Variants in PDE5A observed in about 807,000 individuals in gnomAD.
PDE5A encodes the protein phosphodiesterase 5A.
A neutral mutation model predicts 110.2 loss-of-function variants in PDE5A; 67 were observed. The ratio of observed to expected loss-of-function variants is 0.61; its 90% CI spans 0.50 to 0.75. The LOEUF (loss-of-function observed/expected upper bound fraction) is 0.75. PDE5A is among the 30% of genes least tolerant of loss of function. PDE5A has a pLI of 0.00. For missense variants in PDE5A, 862 were observed against 1,045.1 expected, an observed-to-expected ratio of 0.82 and a Z score of 2.42; for synonymous variants, 328 against 351.2, an observed-to-expected ratio of 0.93 and a Z score of 0.74.
chr4:119,607,063 T>C lies in PDE5A; in HGVS notation c.387A>G (p.Glu129=), dbSNP rs978731168. 4 of 1,614,090 alleles carry C rather than the reference T, an allele frequency of 2.5e-6. No homozygotes were observed. The highest frequency in any genetic ancestry group is 2.7e-5 in the African/African-American group (2 of 74,932). ...GGGTTAGAGGCATCTGTTCCTTCTT[T>C]TCTGAGTCAGAGAGGAAGCTCACAG... is the stretch of plus-strand genomic sequence containing the variant. The part of the protein sequence containing the change: ...EGTVSFLSDS[E]KKEQMPLTPP... The change falls in exon 2 of 21, where the codon GAA becomes GAG. Residue 129 remains glutamate, a synonymous_variant. Coordinates refer to ENST00000354960, the MANE Select transcript of PDE5A (RefSeq NM_001083.4).
chr4:119,565,177 C>A, intron 5 of PDE5A, 144 bp downstream of exon 5: 7 of 611,748 alleles, frequency 1.1e-5, no homozygotes, highest in Non-Finnish European at 2.0e-5. Context: ...ATAGGAAATA[C>A]AAATGACTAC....
At chr4:119,568,309 C>T (rs1026611907) in intron 3 of PDE5A, among the ~76,000 whole-genome samples, 3 of 152,098 alleles carry the variant, frequency 2.0e-5, no homozygotes, top group Admixed American at 6.5e-5. Context: ...ACCTCAGTGA[C>T]TAAATTTCTA....
chr4:119,581,873 A>T (rs1272657425), intron 3 of PDE5A, among the ~76,000 whole-genome samples: 2 of 152,266 alleles, frequency 1.3e-5, no homozygotes, highest in Non-Finnish European at 2.9e-5. Flanking sequence ...TGTACATACC[A>T]TAATTAAAAA....
intron 11 of PDE5A, 99 bp downstream of exon 11, chr4:119,538,861 A>T: frequency 1.1e-6 from 1 of 891,114 alleles, no homozygotes; most frequent in Non-Finnish European, 1.9e-6. Flanking sequence ...AAGCAGAGTT[A>T]ATTAAACATT....
intron 3 of PDE5A, among the ~76,000 whole-genome samples, chr4:119,571,006 T>G (rs1480820137): frequency 6.6e-6 from 1 of 152,206 alleles, no homozygotes; most frequent in Non-Finnish European, 1.5e-5. Context: ...ACTAAGTGCC[T>G]TTATGTACCA....
intron 11 of PDE5A, among the ~76,000 whole-genome samples, chr4:119,533,214 T>TTA (rs1489264644): frequency 6.6e-6 from 1 of 152,142 alleles, no homozygotes; most frequent in East Asian, 1.9e-4. Context: ...ATTTGATGGG[T>TTA]TATATCAGTG....
At chr4:119,609,179 A>T (rs1560640640) in intron 1 of PDE5A, among the ~76,000 whole-genome samples, 1 of 152,216 alleles carries the variant, frequency 6.6e-6, no homozygotes, top group Non-Finnish European at 1.5e-5. Flanking sequence ...AAAATAAAAA[A>T]AAATAGGCAA....
intron 3 of PDE5A, among the ~76,000 whole-genome samples, chr4:119,572,981 A>T (rs930561946): frequency 1.3e-5 from 2 of 152,178 alleles, no homozygotes; most frequent in Admixed American, 1.3e-4. Context: ...TATACACAAA[A>T]CATAGTACTT....
At chr4:119,544,616 G>A (rs1302723204) in intron 9 of PDE5A, among the ~76,000 whole-genome samples, 1 of 152,090 alleles carries the variant, frequency 6.6e-6, no homozygotes, top group African/African-American at 2.4e-5. Flanking sequence ...TTGCCTTTCA[G>A]TTTTACTAAA....
intron 1 of PDE5A, among the ~76,000 whole-genome samples, chr4:119,614,889 A>G (rs891742993): frequency 6.6e-6 from 1 of 152,132 alleles, no homozygotes; most frequent in Non-Finnish European, 1.5e-5. Context: ...CTGAGTTTCC[A>G]TTTTATCCCT....
At chr4:119,588,795 GA>G (rs1728863832) in intron 3 of PDE5A, among the ~76,000 whole-genome samples, 1 of 152,164 alleles carries the variant, frequency 6.6e-6, no homozygotes, top group South Asian at 2.1e-4. Context: ...GATACTTTTT[GA>G]ATCTTTTTAG....
chr4:119,531,475 A>G (rs899115293), intron 11 of PDE5A, among the ~76,000 whole-genome samples: 1 of 151,958 alleles, frequency 6.6e-6, no homozygotes, highest in Non-Finnish European at 1.5e-5. Context: ...ACAGGGTTTC[A>G]CCATGTTGGC....
intron 16 of PDE5A, among the ~76,000 whole-genome samples, 157 bp from the exon 17 acceptor site, chr4:119,506,089 T>C (rs1725544840): frequency 6.6e-6 from 1 of 151,824 alleles, no homozygotes; most frequent in Admixed American, 6.6e-5. Context: ...TACAAATCTT[T>C]AATACCTCAC....
intron 2 of PDE5A, among the ~76,000 whole-genome samples, chr4:119,601,811 G>T (rs1729358069): frequency 6.6e-6 from 1 of 152,142 alleles, no homozygotes; most frequent in South Asian, 2.1e-4. Context: ...AATAGTCGTT[G>T]CTTAGTTAAG....
chr4:119,587,465 G>C (rs1283721595), intron 3 of PDE5A, among the ~76,000 whole-genome samples: 1 of 150,974 alleles, frequency 6.6e-6, no homozygotes, highest in African/African-American at 2.4e-5. Context: ...CTCACTGCAA[G>C]CTCCGCTTCC....
chr4:119,591,118 AG>A (rs1165534593), intron 3 of PDE5A, among the ~76,000 whole-genome samples: 2 of 152,204 alleles, frequency 1.3e-5, no homozygotes, highest in Non-Finnish European at 2.9e-5. Context: ...AGACTATGTC[AG>A]GGGCTGTGTT....
intron 3 of PDE5A, among the ~76,000 whole-genome samples, chr4:119,590,692 A>G (rs1249412255): frequency 6.6e-6 from 1 of 152,230 alleles, no homozygotes; most frequent in Non-Finnish European, 1.5e-5. Flanking sequence ...AGAACTCCCA[A>G]ACATTTTTAA....
At chr4:119,565,087 C>T (rs772481635) in intron 5 of PDE5A, among the ~76,000 whole-genome samples, 7 of 152,086 alleles carry the variant, frequency 4.6e-5, no homozygotes, top group Admixed American at 3.9e-4. Context: ...TGGCAAGTAA[C>T]GTGTGGTGTA....
intron 20 of PDE5A, among the ~76,000 whole-genome samples, chr4:119,500,459 G>A (rs1345730151): frequency 6.6e-6 from 1 of 151,820 alleles, no homozygotes; most frequent in Non-Finnish European, 1.5e-5. Flanking sequence ...AACTTTACAA[G>A]TTCAATTACT....
Sources: allele counts gnomAD v4.1 joint callset (sites outside exome capture counted in the v4.1 genomes callset), GRCh38; gene constraint gnomAD v4.1.1; transcripts MANE v1.5; gene names NCBI Gene and HGNC (gene_info 2026-07-23, HGNC 2026-07-21).